The following SIPA1L2 variants were observed in gnomAD, a reference collection of about 807,000 sequenced individuals.
SIPA1L2 encodes the protein signal induced proliferation associated 1 like 2.
SIPA1L2 carries 56 observed loss-of-function variants against 163.9 expected under a neutral mutation model. The ratio of observed to expected loss-of-function variants is 0.34; its 90% confidence interval spans 0.28 to 0.43. The LOEUF (loss-of-function observed/expected upper bound fraction) is 0.43, where lower values mean the gene tolerates loss of function less well. SIPA1L2 is among the 20% of genes least tolerant of loss of function. The pLI, the probability that SIPA1L2 is intolerant of heterozygous loss-of-function variation, is 1.00. For missense variants in SIPA1L2, 1,974 were observed against 2,193.5 expected (o/e 0.90, Z 2.00); for synonymous variants, 877 against 865.7 (o/e 1.01, Z -0.23).
rs376047587 is a variant in SIPA1L2, at chr1:232,425,622, C to A, written c.4597G>T (p.Ala1533Ser). ...CTCCCCATGCTGGGTGCGGGGTGGG[C>A]CCGCGGAGGCAGCGTGCTGTGGTAG... ...PPYHSTLPPR[A>S]HPAPSMGSLR... Residue 1533 changes from alanine to serine, a missense_variant, in exon 18 of 23, where the codon GCC becomes TCC. Physicochemically the swap from Ala to Ser is moderately conservative, Grantham distance 99. Transcript: ENST00000674635. 35 of 1,607,526 alleles carry A rather than the reference C, an allele frequency of 2.2e-5. No homozygotes were observed. The highest frequency in any genetic ancestry group is 2.0e-4 in the East Asian group (9 of 44,778).
chr1:232,477,498 G>C (rs1665105350), intron 7 of SIPA1L2, among the ~76,000 whole-genome samples: 1 of 152,046 alleles, frequency 6.6e-6, no homozygotes, highest in South Asian at 2.1e-4. Flanking sequence ...GGGCACACAG[G>C]GACACTTCAG....
chr1:232,488,065 G>C (rs1665739499), intron 5 of SIPA1L2, among the ~76,000 whole-genome samples: 1 of 151,916 alleles, frequency 6.6e-6, no homozygotes, highest in Non-Finnish European at 1.5e-5. Flanking sequence ...TGATTCTCCT[G>C]CCTCAGCCTC....
chr1:232,623,466 G>A (rs1346311706), intron 1 of SIPA1L2, among the ~76,000 whole-genome samples: 1 of 152,100 alleles, frequency 6.6e-6, no homozygotes, highest in Non-Finnish European at 1.5e-5. Flanking sequence ...AAATTAGCTA[G>A]GCATGGTGGC....
rs1033127012 is a variant in SIPA1L2 at position 232,441,229 on chromosome 1, T to C, written c.3642+62A>G. The C allele has an allele frequency of 4.7e-6, 6 of 1,277,578 alleles. No individual in the cohort carries two copies. In the African/African-American group the frequency reaches 9.2e-5, roughly 20 times the overall value. 79.1% of individuals were successfully genotyped at this position (1,277,578 alleles called of 1,614,324 possible). On this transcript the variant is annotated intron_variant, in intron 14 of 22. Transcript: ENST00000674635. ...ATCCCCAGGAATCAGGCTGTACCAC[T>C]GTGTGCTGAGACAGATCAGTCCTGG...
At chr1:232,575,674 A>G (rs1460445287) in intron 1 of SIPA1L2, among the ~76,000 whole-genome samples, 1 of 152,228 alleles carries the variant, frequency 6.6e-6, no homozygotes, top group Non-Finnish European at 1.5e-5. Flanking sequence ...ACTTCTGGGC[A>G]TACAGCCAAA....
At chr1:232,595,242 A>G (rs576369197) in intron 1 of SIPA1L2, among the ~76,000 whole-genome samples, 1 of 152,288 alleles carries the variant, frequency 6.6e-6, no homozygotes, top group Admixed American at 6.5e-5. Flanking sequence ...ATGCATACAA[A>G]GAATACTTAC....
chr1:232,427,639 T>C (rs941325755), intron 17 of SIPA1L2, among the ~76,000 whole-genome samples: 3 of 152,204 alleles, frequency 2.0e-5, no homozygotes, highest in African/African-American at 7.2e-5. Context: ...TCCTTTTCAG[T>C]ACTTTAAATT....
chr1:232,398,939 G>T lies in SIPA1L2; in HGVS notation c.*188C>A. ...TACATTCATTCATCTTCACATCGGC[G>T]CTGCTCTCTGCCGTGGTTACCGAGA... On this transcript the variant is annotated 3_prime_UTR_variant, in exon 23 of 23. Coordinates refer to ENST00000674635, the MANE Select transcript of SIPA1L2 (RefSeq NM_020808.5). 1 of 669,752 alleles carries T rather than the reference G, an allele frequency of 1.5e-6. No homozygotes were observed. The highest frequency in any genetic ancestry group is 2.5e-6 in the Non-Finnish European group (1 of 407,756). 41.5% of individuals were successfully genotyped at this position (669,752 alleles called of 1,614,324 possible).
chr1:232,617,515 G>C (rs899142550), intron 1 of SIPA1L2, among the ~76,000 whole-genome samples: 4 of 152,206 alleles, frequency 2.6e-5, no homozygotes, highest in Non-Finnish European at 5.9e-5. Flanking sequence ...GTCATATAAA[G>C]TATACAACAA....
At chr1:232,528,529 T>C (rs187271503) in intron 2 of SIPA1L2, among the ~76,000 whole-genome samples, 3 of 152,320 alleles carry the variant, frequency 2.0e-5, no homozygotes, top group Admixed American at 2.0e-4. Context: ...ATTCATTAAC[T>C]TCAAGCATCT....
At chr1:232,621,642 T>A (rs1408611191) in intron 1 of SIPA1L2, among the ~76,000 whole-genome samples, 1 of 152,194 alleles carries the variant, frequency 6.6e-6, no homozygotes, top group African/African-American at 2.4e-5. Flanking sequence ...CACGGTAACA[T>A]TTTACACTCG....
At chr1:232,479,869 C>T (rs1452259072) in intron 6 of SIPA1L2, 139 bp from the exon 7 acceptor site, 7 of 647,888 alleles carry the variant, frequency 1.1e-5, no homozygotes, top group Non-Finnish European at 1.9e-5. Context: ...GCTGCCCATC[C>T]AGCTTTCATC....
intron 2 of SIPA1L2, among the ~76,000 whole-genome samples, chr1:232,569,417 A>T (rs1286012358): frequency 6.6e-6 from 1 of 152,234 alleles, no homozygotes; most frequent in Non-Finnish European, 1.5e-5. Flanking sequence ...TGCTGTAAGC[A>T]GGCAAAGGAT....
intron 15 of SIPA1L2, among the ~76,000 whole-genome samples, chr1:232,436,403 C>T (rs556102901): frequency 2.0e-5 from 3 of 152,268 alleles, no homozygotes; most frequent in South Asian, 2.1e-4. Context: ...AAATAACACA[C>T]GGGTCAGGGG....
intron 15 of SIPA1L2, among the ~76,000 whole-genome samples, chr1:232,434,461 G>A (rs1180562669): frequency 6.6e-6 from 1 of 152,024 alleles, no homozygotes; most frequent in Non-Finnish European, 1.5e-5. Context: ...CCCTCTCTCT[G>A]GGTGCTAACT....
intron 18 of SIPA1L2, among the ~76,000 whole-genome samples, chr1:232,417,044 T>C (rs553436418): frequency 1.3e-5 from 2 of 152,242 alleles, no homozygotes; most frequent in South Asian, 2.1e-4. Flanking sequence ...TCTGACTAAT[T>C]AGACCAATCA....
At chr1:232,528,102 A>ATATATATATATATATATATATATCTATC (rs34779799) in intron 2 of SIPA1L2, among the ~76,000 whole-genome samples, 11 of 118,526 alleles carry the variant, frequency 9.3e-5, no homozygotes, top group African/African-American at 3.1e-4. Flanking sequence ...ATATATATAT[A>ATATATATATATATATATATATATCTATC]ATCAACTTTC....
rs1394878508 is a variant in SIPA1L2 at position 232,456,667 on chromosome 1, A to C, written c.3095+4220T>G. Among the ~76,000 whole-genome samples the C allele has an allele frequency of 9.8e-5, 15 of 152,338 alleles. No homozygotes were observed. The South Asian group carries it at 3.1e-3, about 32-fold the overall frequency. On this transcript the variant is annotated intron_variant, in intron 10 of 22. Transcript: ENST00000674635. ...ATGCTTTCCTTCAAATGACACTGAT[A>C]GAATGTCAGTCACCTTTGAAGGCCA... is the stretch of plus-strand genomic sequence containing the variant.
chr1:232,577,707 A>T (rs1660153382), intron 1 of SIPA1L2, among the ~76,000 whole-genome samples: 1 of 152,186 alleles, frequency 6.6e-6, no homozygotes, highest in African/African-American at 2.4e-5. Context: ...TAGAGGAAGA[A>T]ATAGCAAGAA....
Sources: allele counts gnomAD v4.1 joint callset (sites outside exome capture counted in the v4.1 genomes callset), GRCh38; gene constraint gnomAD v4.1.1; transcripts MANE v1.5; gene names NCBI Gene and HGNC (gene_info 2026-07-23, HGNC 2026-07-21).